Variants in RHBDF1 observed in about 807,000 individuals in gnomAD.
RHBDF1 encodes the protein inactive rhomboid protein 1.
Under a neutral mutation model 98.6 loss-of-function variants are expected in RHBDF1, and 80 were observed. The observed-to-expected ratio is 0.81, with a 90% CI of 0.68 to 0.98. RHBDF1 has a LOEUF of 0.98. Among genes scored for constraint, RHBDF1 ranks in the 50% least tolerant of loss-of-function variants. RHBDF1 has a pLI of 0.00. For synonymous variants in RHBDF1, 512 were observed against 486.8 expected (o/e 1.05, Z -0.68); for missense variants, 1,116 against 1,198.3 (o/e 0.93, Z 1.01).
Position 61,143 on chromosome 16 carries a change from G to C in RHBDF1, c.1534C>G (p.Gln512Glu), listed in dbSNP as rs976221912. 14 of 1,536,216 alleles carry C rather than the reference G, an allele frequency of 9.1e-6. No homozygotes were observed. Among genetic ancestry groups the C allele is most frequent in the Non-Finnish European group, 1.2e-5 (14 of 1,144,186 alleles). The change falls in exon 11 of 18, where the codon CAG (glutamine) becomes GAG (glutamate). Residue 512 changes from glutamine (Q) to glutamate (E), a missense_variant. By Grantham distance (29) the Gln-to-Glu change is conservative. Coordinates refer to ENST00000262316, the MANE Select transcript of RHBDF1 (RefSeq NM_022450.5). ...ACCGAGCACTCCTCCTCCGAGGTCTGCACGCAGCCCGACCTGTCGTTGCGC... is the reference window on the plus strand; with the variant it reads ...ACCGAGCACTCCTCCTCCGAGGTCTCCACGCAGCCCGACCTGTCGTTGCGC... Reference protein sequence around the residue: ...CVRNDRSGCVQTSEEECSSTL... With the variant: ...CVRNDRSGCVETSEEECSSTL...
chr16:62,701 C>CA lies in RHBDF1; in HGVS notation c.796-7dup. The CA allele has an allele frequency of 1.2e-6, 2 of 1,614,140 alleles. No individual in the cohort carries two copies. Among genetic ancestry groups the CA allele is most frequent in the Non-Finnish European group, 1.7e-6 (2 of 1,180,014 alleles). ...TCTTCATGGAGGATACCTTCCTGAGCAAACACATGAGGTCAGGGTGGACAC... is the reference window on the plus strand; with the variant it reads ...TCTTCATGGAGGATACCTTCCTGAGCAAAACACATGAGGTCAGGGTGGACAC... On this transcript the variant is annotated splice_region_variant and splice_polypyrimidine_tract_variant and intron_variant, in intron 6 of 17. Coordinates refer to ENST00000262316, the MANE Select transcript of RHBDF1 (RefSeq NM_022450.5).
chr16:66,151 TG>T (rs1405186277), intron 1 of RHBDF1, among the ~76,000 whole-genome samples: 1 of 152,040 alleles, frequency 6.6e-6, no homozygotes, highest in Non-Finnish European at 1.5e-5. Flanking sequence ...AGACAGATAG[TG>T]GGGGGCTGGC....
intron 1 of RHBDF1, among the ~76,000 whole-genome samples, chr16:70,223 T>C (rs1164231087): frequency 2.0e-5 from 3 of 152,012 alleles, no homozygotes; most frequent in East Asian, 3.9e-4. Context: ...ATTCTGGGGG[T>C]AAACTGCCTG....
chr16:61,192 G>C lies in RHBDF1; in HGVS notation c.1485C>G (p.Arg495=), dbSNP rs1293431704. Residue 495 remains arginine (R), a synonymous_variant, in exon 11 of 18, where the codon CGC becomes CGG. Transcript: ENST00000262316. The part of the protein sequence containing the change: ...VHSFIRSARE[R]EKHSACCVRN... ...GCACGCAGCAGGCGGAGTGCTTCTC[G>C]CGCTCGCGCGCCGAGCGAATGAAGC... 1 of 1,542,890 alleles carries C rather than the reference G, an allele frequency of 6.5e-7. No individual in the cohort carries two copies. Among genetic ancestry groups the C allele is most frequent in the East Asian group, 2.4e-5 (1 of 40,838 alleles).
At chr16:75,325 G>C (rs1289568633), upstream of RHBDF1, among the ~76,000 whole-genome samples, 2 of 152,198 alleles carry the variant, frequency 1.3e-5, no homozygotes, top group Admixed American at 1.3e-4. Flanking sequence ...TGACCAGTAA[G>C]AGGAGTGTTC....
At chr16:72,136 C>G (rs1049081991) in intron 1 of RHBDF1, among the ~76,000 whole-genome samples, 1 of 152,196 alleles carries the variant, frequency 6.6e-6, no homozygotes, top group Non-Finnish European at 1.5e-5. Flanking sequence ...TCAGAGGAAC[C>G]TGGGGCACCC....
chr16:66,552 C>G (rs781180722), intron 1 of RHBDF1, among the ~76,000 whole-genome samples: 1 of 152,180 alleles, frequency 6.6e-6, no homozygotes, highest in African/African-American at 2.4e-5. Flanking sequence ...CCCTACTGGT[C>G]CTACAGGGAC....
In RHBDF1 at chr16:58,457, G is replaced by A. The variant is rs2141841002; in HGVS notation, c.2451C>T (p.Gly817=). The A allele has an allele frequency of 6.2e-7, 1 of 1,614,084 alleles. No homozygotes were observed. The highest frequency in any genetic ancestry group is 2.2e-5 in the East Asian group (1 of 44,892). ...GATAGACGTAGAAGAGGACCACCAG[G>A]CCAGCCAGGAGGCCCAGGAAGACCA... ...FQVVFLGLLA[G]LVVLFYVYPV... The change falls in exon 18 of 18, where the codon GGC becomes GGT. Residue 817 remains glycine (G), a synonymous_variant. Coordinates refer to ENST00000262316, the MANE Select transcript of RHBDF1 (RefSeq NM_022450.5).
chr16:70,945 C>T (rs1897952435), intron 1 of RHBDF1, among the ~76,000 whole-genome samples: 3 of 152,376 alleles, frequency 2.0e-5, no homozygotes, highest in South Asian at 4.1e-4. Context: ...GGAATCCAAT[C>T]ACTGGGCAAA....
At chr16:64,394 C>T in intron 3 of RHBDF1, 1 of 1,389,038 alleles carries the variant, frequency 7.2e-7, no homozygotes, top group Non-Finnish European at 9.6e-7. Context: ...GCCCGGGGAC[C>T]CAAGAGGGGC....
Position 63,723 on chromosome 16 carries a change from C to T in RHBDF1, c.326G>A (p.Cys109Tyr), listed in dbSNP as rs779476644. Residue 109 changes from cysteine to tyrosine, a missense_variant, in exon 4 of 18, where the codon TGC (cysteine) becomes TAC (tyrosine). Physicochemically the swap from Cys to Tyr is radical, Grantham distance 194 (BLOSUM62 -2). Coordinates refer to ENST00000262316, the MANE Select transcript of RHBDF1 (RefSeq NM_022450.5). ...QKWQRKSIRHCSQRYGKLKPQ... is the reference protein window; with the variant it reads ...QKWQRKSIRHYSQRYGKLKPQ... The stretch of plus-strand genomic sequence containing the variant: ...CTTCAGCTTCCCGTAGCGCTGGCTG[C>T]AGTGACGGATGCTCTTGCGCTGCCA... The T allele has an allele frequency of 6.2e-7, 1 of 1,613,762 alleles. No individual in the cohort carries two copies. The highest frequency in any genetic ancestry group is 1.1e-5 in the South Asian group (1 of 91,088).
At chr16:64,171 C>T (rs1897755380) in intron 3 of RHBDF1, 3 of 1,058,276 alleles carry the variant, frequency 2.8e-6, no homozygotes, top group Non-Finnish European at 3.9e-6. Context: ...GCTTACGGGC[C>T]CAGGCAGGCT....
chr16:69,309 C>A (rs149946504), intron 1 of RHBDF1, among the ~76,000 whole-genome samples: 52 of 152,260 alleles, frequency 3.4e-4, no homozygotes, highest in African/African-American at 1.2e-3. Flanking sequence ...ACTCACAGGA[C>A]CATGCTGGCA....
intron 1 of RHBDF1, among the ~76,000 whole-genome samples, chr16:71,945 G>T (rs564624185): frequency 6.6e-6 from 1 of 152,194 alleles, no homozygotes; most frequent in African/African-American, 2.4e-5. Context: ...GTGTACAGAT[G>T]GGGGAGTCAG....
chr16:59,788 A>G lies in RHBDF1; in HGVS notation c.1761T>C (p.His587=). The G allele has an allele frequency of 6.2e-7, 1 of 1,614,082 alleles. No individual in the cohort carries two copies. Among genetic ancestry groups the G allele is most frequent in the Non-Finnish European group, 8.5e-7 (1 of 1,180,012 alleles). Residue 587 remains histidine, a synonymous_variant, in exon 14 of 18, where the codon CAT becomes CAC. Transcript: ENST00000262316. ...TKNSAGNHTN[H]PHMDCVITGR... is the part of the protein sequence containing the mutation. ...CTGTGATGACACAGTCCATGTGGGGATGGTTGGTGTGGTTCCCAGCGCTGT... is the reference window on the plus strand; with the variant it reads ...CTGTGATGACACAGTCCATGTGGGGGTGGTTGGTGTGGTTCCCAGCGCTGT...
At chr16:64,476 G>C in intron 3 of RHBDF1, 1 of 1,517,980 alleles carries the variant, frequency 6.6e-7, no homozygotes, top group Non-Finnish European at 8.9e-7. Flanking sequence ...TGGAGACAGA[G>C]AAGGAGAGAG....
intron 1 of RHBDF1, among the ~76,000 whole-genome samples, chr16:65,354 GC>G (rs1300246457): frequency 6.6e-6 from 1 of 152,238 alleles, no homozygotes; most frequent in African/African-American, 2.4e-5. Context: ...CAAAATCCCT[GC>G]CCTCCTGGAG....
upstream of RHBDF1, chr16:72,688 C>G: frequency 1.0e-6 from 1 of 981,186 alleles, no homozygotes; most frequent in Non-Finnish European, 1.2e-6. Context: ...GGCGGTCGCG[C>G]TGACTCAGAG....
intron 1 of RHBDF1, among the ~76,000 whole-genome samples, chr16:69,740 C>T (rs1480430027): frequency 2.0e-5 from 3 of 152,198 alleles, no homozygotes; most frequent in Admixed American, 6.5e-5. Flanking sequence ...TGCTCTTCAA[C>T]CCTCCCAGTG....
Sources: gnomAD v4.1 joint callset for allele counts (sites outside exome capture counted in the v4.1 genomes callset) on GRCh38, gnomAD v4.1.1 for gene constraint, MANE v1.5 for transcripts, NCBI Gene and HGNC (gene_info 2026-07-23, HGNC 2026-07-21) for gene names.